The following CADPS variants were observed in gnomAD, a reference collection of about 807,000 sequenced individuals.
CADPS encodes the protein calcium dependent secretion activator, also known as calcium-dependent secretion activator 1.
Under a neutral mutation model 167.3 loss-of-function variants are expected in CADPS, and 57 were observed. The ratio of observed to expected loss-of-function variants is 0.34; its 90% CI spans 0.28 to 0.42. The LOEUF (loss-of-function observed/expected upper bound fraction) is 0.42, where lower values mean the gene tolerates loss of function less well. Ranked by LOEUF, CADPS falls within the 20% of genes least tolerant of loss-of-function variation. The pLI, the probability that CADPS is intolerant of heterozygous loss-of-function variation, is 1.00. For missense variants in CADPS, 1,414 were observed against 1,738.1 expected (o/e 0.81, Z 3.32); for synonymous variants, 676 against 635.3 (o/e 1.06, Z -0.96).
chr3:62,613,942 C>T (rs764682167), intron 6 of CADPS, among the ~76,000 whole-genome samples: 83 of 152,112 alleles, frequency 5.5e-4, no homozygotes, highest in Admixed American at 1.1e-3. Flanking sequence ...TTTCCCTACT[C>T]CCCTCTGTGC....
At chr3:62,757,086 T>C (rs1421818634) in intron 2 of CADPS, among the ~76,000 whole-genome samples, 2 of 152,184 alleles carry the variant, frequency 1.3e-5, no homozygotes, top group Admixed American at 1.3e-4. Context: ...TGAGAGGTGC[T>C]TGTACGAGAC....
intron 1 of CADPS, among the ~76,000 whole-genome samples, chr3:62,864,771 T>C (rs747215889): frequency 1.3e-5 from 2 of 152,050 alleles, no homozygotes; most frequent in African/African-American, 4.8e-5. Context: ...GGGGGGAACA[T>C]AATAAACCCA....
chr3:62,706,960 T>A (rs527620363), intron 3 of CADPS, among the ~76,000 whole-genome samples: 84 of 152,270 alleles, frequency 5.5e-4, no homozygotes, highest in African/African-American at 2.0e-3. Context: ...TATATCCATG[T>A]AACAAAACTG....
chr3:62,539,010 T>C (rs943764453), intron 11 of CADPS, among the ~76,000 whole-genome samples: 4 of 152,174 alleles, frequency 2.6e-5, no homozygotes, highest in Non-Finnish European at 5.9e-5. Flanking sequence ...TAAAGCAAGC[T>C]TACAGAAAAG....
At chr3:62,784,527 G>C (rs1203471521) in intron 1 of CADPS, among the ~76,000 whole-genome samples, 1 of 152,152 alleles carries the variant, frequency 6.6e-6, no homozygotes, top group Non-Finnish European at 1.5e-5. Flanking sequence ...TCCCCAAAGA[G>C]AGAGAACTAT....
intron 1 of CADPS, among the ~76,000 whole-genome samples, chr3:62,825,497 C>T (rs1000388718): frequency 6.6e-6 from 1 of 152,092 alleles, no homozygotes; most frequent in African/African-American, 2.4e-5. Flanking sequence ...AATGCATGCT[C>T]AAGTTTGAAA....
In CADPS at chr3:62,564,496, A is replaced by G. The variant is rs535305270; in HGVS notation, c.1644+6376T>C. On this transcript the variant is annotated intron_variant, in intron 9 of 29. Coordinates refer to ENST00000383710, the MANE Select transcript of CADPS (RefSeq NM_003716.4). ...ACCATATAAATATAAGTGATTGTCC[A>G]CATTATTAGAGGAACCACAGAATAT... Among the ~76,000 whole-genome samples, 5 of 152,316 alleles carry G rather than the reference A, an allele frequency of 3.3e-5. No homozygotes were observed. The East Asian group carries it at 9.6e-4, about 29-fold the overall frequency.
At chr3:62,723,894 C>T (rs1581164083) in intron 3 of CADPS, among the ~76,000 whole-genome samples, 1 of 152,284 alleles carries the variant, frequency 6.6e-6, no homozygotes, top group South Asian at 2.1e-4. Context: ...AGTGGGAGGC[C>T]TTGGAGAGGC....
At chr3:62,806,389 G>C (rs986906477) in intron 1 of CADPS, among the ~76,000 whole-genome samples, 3 of 151,910 alleles carry the variant, frequency 2.0e-5, no homozygotes, top group African/African-American at 7.2e-5. Context: ...AAAATTAGCC[G>C]GGTGTGGTGG....
At chr3:62,726,347 G>T (rs2076743116) in intron 3 of CADPS, among the ~76,000 whole-genome samples, 1 of 151,912 alleles carries the variant, frequency 6.6e-6, no homozygotes, top group Non-Finnish European at 1.5e-5. Flanking sequence ...CATAGCATAA[G>T]TAATGGATTT....
At chr3:62,470,884 C>T (rs1163268744) in intron 24 of CADPS, 3 of 151,860 alleles carry the variant, frequency 2.0e-5, no homozygotes, top group Admixed American at 2.0e-4. Flanking sequence ...TTACAAGCCT[C>T]GGTTATTTGT....
intron 3 of CADPS, among the ~76,000 whole-genome samples, chr3:62,746,226 T>C (rs370636577): frequency 2.4e-4 from 37 of 152,258 alleles, no homozygotes; most frequent in African/African-American, 8.7e-4. Context: ...TAATCAATAG[T>C]ATATGACAAG....
rs137980623 is a variant in CADPS at position 62,450,846 on chromosome 3, C to T, written c.3637-5049G>A. ...CCTCAACAACCTTTTGAGGGGGATC[C>T]TATTAATATTCCCATTTTACAGTTG... On this transcript the variant is annotated intron_variant, in intron 26 of 29. Transcript: ENST00000383710. 2.0e-3 allele frequency among the ~76,000 whole-genome samples: 300 copies of T among 152,202 alleles called. 1 individual carries two copies. Among genetic ancestry groups the T allele is most frequent in the African/African-American group, 6.8e-3 (283 of 41,528 alleles).
At chr3:62,522,691 T>C (rs143774180) in intron 13 of CADPS, among the ~76,000 whole-genome samples, 2,163 of 152,314 alleles carry the variant, frequency 0.014, 31 homozygotes, top group Middle Eastern at 0.058. Context: ...CAAATTTTAA[T>C]AGATGATGTC....
chr3:62,696,965 A>G (rs140284538), intron 3 of CADPS, among the ~76,000 whole-genome samples: 53 of 152,218 alleles, frequency 3.5e-4, no homozygotes, highest in African/African-American at 1.3e-3. Context: ...CATATTCACA[A>G]ATTATCTGAA....
chr3:62,680,531 G>C (rs376297399), intron 3 of CADPS, among the ~76,000 whole-genome samples: 75 of 152,056 alleles, frequency 4.9e-4, no homozygotes, highest in African/African-American at 1.8e-3. Context: ...CTGTCTGGCA[G>C]CTCTCCATAC....
chr3:62,777,000 G>T (rs2090465465), intron 1 of CADPS, among the ~76,000 whole-genome samples: 2 of 152,130 alleles, frequency 1.3e-5, no homozygotes, highest in Non-Finnish European at 2.9e-5. Flanking sequence ...AAAAAACAAG[G>T]ATTAGGGGCG....
intron 3 of CADPS, among the ~76,000 whole-genome samples, chr3:62,712,589 C>T (rs9844131): frequency 0.17 from 25,790 of 152,146 alleles, 2,807 homozygotes; most frequent in African/African-American, 0.32. Flanking sequence ...CTCTTAATGT[C>T]GTTTCTCCAG....
chr3:62,840,977 G>A (rs1030595723), intron 1 of CADPS, among the ~76,000 whole-genome samples: 2 of 152,090 alleles, frequency 1.3e-5, no homozygotes, highest in South Asian at 2.1e-4. Context: ...AATAATCTTG[G>A]TGCCTCCAAA....
Sources: gnomAD v4.1 joint callset for allele counts (sites outside exome capture counted in the v4.1 genomes callset) on GRCh38, gnomAD v4.1.1 for gene constraint, MANE v1.5 for transcripts, NCBI Gene and HGNC (gene_info 2026-07-23, HGNC 2026-07-21) for gene names.